The following RAB11B variants were observed in gnomAD, a reference collection of about 807,000 sequenced individuals.
RAB11B encodes the protein ras-related protein Rab-11B.
In RAB11B, 7 loss-of-function variants were observed where a neutral mutation model predicts 23.7. The observed-to-expected ratio is 0.29, with a 90% CI of 0.17 to 0.55. The LOEUF is 0.55. RAB11B is among the 20% of genes least tolerant of loss of function. The pLI, the probability that RAB11B is intolerant of heterozygous loss-of-function variation, is 0.93. For missense variants in RAB11B, 189 were observed against 320.0 expected (o/e 0.59, Z 3.12); for synonymous variants, 138 against 132.0 (o/e 1.05, Z -0.31).
chr19:8,401,768 C>T (rs1049052542), intron 2 of RAB11B, among the ~76,000 whole-genome samples: 1 of 151,366 alleles, frequency 6.6e-6, no homozygotes, highest in Non-Finnish European at 1.5e-5. Context: ...GTGATCCACC[C>T]GCCTCAGCCT....
At chr19:8,392,466 G>T (rs570596589) in intron 1 of RAB11B, among the ~76,000 whole-genome samples, 4 of 151,752 alleles carry the variant, frequency 2.6e-5, no homozygotes, top group Non-Finnish European at 5.9e-5. Context: ...GTGGGGTGGG[G>T]GGGGGCGGTG....
chr19:8,402,703 C>A, intron 4 of RAB11B, 138 bp downstream of exon 4: 1 of 689,934 alleles, frequency 1.4e-6, no homozygotes, highest in Non-Finnish European at 2.4e-6. Context: ...TTGCTCTTTG[C>A]CCAGGCTGGA....
Position 8,400,036 on chromosome 19 carries a change from C to T in RAB11B, c.214C>T (p.Arg72Cys). Residue 72 changes from arginine to cysteine, a missense_variant, in exon 2 of 5, where the codon CGC (arginine) becomes TGC (cysteine). This residue lies in a region of RAB11B where 17 missense variants were observed against 63.0 expected (regional missense o/e 0.27). Coordinates refer to ENST00000328024, the MANE Select transcript of RAB11B (RefSeq NM_004218.4). ...GATCTGGGACACCGCTGGCCAGGAGCGCTACCGCGCCATCACCTCCGCGTG... is the reference window on the plus strand; with the variant it reads ...GATCTGGGACACCGCTGGCCAGGAGTGCTACCGCGCCATCACCTCCGCGTG... Reference protein sequence around the residue: ...AQIWDTAGQERYRAITSAYYR... With the variant: ...AQIWDTAGQECYRAITSAYYR... 6.2e-7 allele frequency: 1 copy of T among 1,613,548 alleles called. No individual in the cohort carries two copies. Among genetic ancestry groups the T allele is most frequent in the Non-Finnish European group, 8.5e-7 (1 of 1,179,518 alleles).
intron 1 of RAB11B, among the ~76,000 whole-genome samples, chr19:8,392,111 C>T (rs1971359805): frequency 6.6e-6 from 1 of 152,050 alleles, no homozygotes; most frequent in Non-Finnish European, 1.5e-5. Context: ...CTCCACTCAG[C>T]CCACCGTGAG....
Position 8,403,687 on chromosome 19 carries a change from G to A in RAB11B, c.*129G>A. On this transcript the variant is annotated 3_prime_UTR_variant, in exon 5 of 5. Coordinates refer to ENST00000328024, the MANE Select transcript of RAB11B (RefSeq NM_004218.4). ...CCTCCCAGTGAGCTCTGCACGGCCG[G>A]GCCGGGGCCCAGGAAGGACAGGAGC... is the stretch of plus-strand genomic sequence containing the variant. 1 of 1,343,568 alleles carries A rather than the reference G, an allele frequency of 7.4e-7. No individual in the cohort carries two copies. The highest frequency in any genetic ancestry group is 9.9e-7 in the Non-Finnish European group (1 of 1,006,466). 83.2% of individuals were successfully genotyped at this position (1,343,568 alleles called of 1,614,324 possible). A position where few individuals can be genotyped will look rare whatever the true frequency, so the allele number is the denominator to read the frequency against.
intron 2 of RAB11B, among the ~76,000 whole-genome samples, chr19:8,400,748 G>T (rs1462263288): frequency 6.6e-6 from 1 of 152,096 alleles, no homozygotes; most frequent in African/African-American, 2.4e-5. Flanking sequence ...CGCCATACCA[G>T]GCTAATTTTG....
chr19:8,394,390 A>C (rs963692571), intron 1 of RAB11B, among the ~76,000 whole-genome samples: 1 of 152,136 alleles, frequency 6.6e-6, no homozygotes, highest in African/African-American at 2.4e-5. Context: ...CCTGAGCTCA[A>C]GTGATCCACC....
At chr19:8,403,132 G>A (rs1014955439) in intron 4 of RAB11B, among the ~76,000 whole-genome samples, 6 of 152,188 alleles carry the variant, frequency 3.9e-5, no homozygotes, top group African/African-American at 1.4e-4. Flanking sequence ...TTGGCGCTGC[G>A]GGGAGGCGGG....
At chr19:8,390,999 G>C (rs867655640) in intron 1 of RAB11B, among the ~76,000 whole-genome samples, 1 of 152,048 alleles carries the variant, frequency 6.6e-6, no homozygotes, top group Non-Finnish European at 1.5e-5. Flanking sequence ...TGAGGGCCTG[G>C]GGGTGAGGTG....
Position 8,397,494 on chromosome 19 carries a change from G to A in RAB11B, c.41-2369G>A, listed in dbSNP as rs193102729. Among the ~76,000 whole-genome samples the A allele has an allele frequency of 1.9e-3, 294 of 152,136 alleles. 1 individual carries two copies. Among genetic ancestry groups the A allele is most frequent in the African/African-American group, 6.8e-3 (281 of 41,516 alleles). On this transcript the variant is annotated intron_variant, in intron 1 of 4. Transcript: ENST00000328024. Reference sequence around the variant, plus strand: ...GGCTGGGTGCCTGCTGCACAGGCCCGGGGGAGTGGGGGTAGCTGAGGCTGA... The same window carrying A: ...GGCTGGGTGCCTGCTGCACAGGCCCAGGGGAGTGGGGGTAGCTGAGGCTGA...
chr19:8,402,024 C>T (rs138149247), intron 2 of RAB11B, 62 bp from the exon 3 acceptor site: 19,517 of 1,480,198 alleles, frequency 0.013, 253 homozygotes, highest in South Asian at 0.046. Flanking sequence ...GCTGTTATCC[C>T]GTGAGGCTGC....
At chr19:8,393,342 A>G (rs569673384) in intron 1 of RAB11B, among the ~76,000 whole-genome samples, 1 of 152,248 alleles carries the variant, frequency 6.6e-6, no homozygotes, top group East Asian at 1.9e-4. Flanking sequence ...GGCCCTGGCC[A>G]ATCAGGGCTC....
chr19:8,392,453 G>T (rs1041416758), intron 1 of RAB11B, among the ~76,000 whole-genome samples: 4 of 150,852 alleles, frequency 2.7e-5, no homozygotes, highest in Non-Finnish European at 4.4e-5. Flanking sequence ...GCGGGCAGGC[G>T]GTGTGGGGTG....
chr19:8,395,557 ATCTT>A (rs1472246790), intron 1 of RAB11B, among the ~76,000 whole-genome samples: 3 of 152,136 alleles, frequency 2.0e-5, no homozygotes, highest in African/African-American at 7.2e-5. Context: ...GTACCCGGCC[ATCTT>A]TCTGTCTTTC....
intron 1 of RAB11B, 193 bp downstream of exon 1, chr19:8,390,649 C>T (rs1971341036): frequency 1.9e-6 from 1 of 528,426 alleles, no homozygotes; most frequent in Non-Finnish European, 2.9e-6. Context: ...TATACGGAGC[C>T]GGAGGCCCGG....
chr19:8,401,894 A>G (rs1486319964), intron 2 of RAB11B, among the ~76,000 whole-genome samples, 192 bp from the exon 3 acceptor site: 1 of 152,018 alleles, frequency 6.6e-6, no homozygotes, highest in Non-Finnish European at 1.5e-5. Context: ...TCAGACCCCC[A>G]CATTTCAGAG....
At position 8,395,271 on chromosome 19, in the gene RAB11B, C is replaced by CT. The variant is rs201774881; in HGVS notation, c.41-4572dup. Among the ~76,000 whole-genome samples, 213 of 94,042 alleles carry CT rather than the reference C, an allele frequency of 2.3e-3. 1 individual carries two copies. The highest frequency in any genetic ancestry group is 4.0e-3 in the African/African-American group (94 of 23,242). The allele number at this position is 94,042 out of a possible 152,430, so 61.7% of individuals were successfully genotyped here. On this transcript the variant is annotated intron_variant, in intron 1 of 4. Coordinates refer to ENST00000328024, the MANE Select transcript of RAB11B (RefSeq NM_004218.4). Reference sequence around the variant, plus strand: ...ATTCACTCCACCTCTTTCCATCTTTCTTTTTTTTTTTTTTTTTTTTGAGAT... The same window carrying CT: ...ATTCACTCCACCTCTTTCCATCTTTCTTTTTTTTTTTTTTTTTTTTTGAGAT...
At chr19:8,392,671 T>C (rs1971365529) in intron 1 of RAB11B, among the ~76,000 whole-genome samples, 1 of 143,928 alleles carries the variant, frequency 6.9e-6, no homozygotes, top group East Asian at 2.0e-4. Context: ...TATTTTTCTT[T>C]TCCTTTTTCT....
chr19:8,390,902 C>A (rs992603921), intron 1 of RAB11B, among the ~76,000 whole-genome samples: 1 of 147,358 alleles, frequency 6.8e-6, no homozygotes, highest in African/African-American at 2.5e-5. Flanking sequence ...GGAGGCGGGG[C>A]TCTCACGAGG....
Sources: allele counts gnomAD v4.1 joint callset (sites outside exome capture counted in the v4.1 genomes callset), GRCh38; gene constraint gnomAD v4.1.1; regional missense constraint gnomAD v4.1.1; transcripts MANE v1.5; gene names NCBI Gene and HGNC (gene_info 2026-07-23, HGNC 2026-07-21).